The following PTGDR variants were observed in gnomAD, a reference collection of about 807,000 sequenced individuals.
PTGDR encodes the protein prostaglandin D2 receptor.
Under a neutral mutation model 17.4 loss-of-function variants are expected in PTGDR, and 19 were observed. The ratio of observed to expected loss-of-function variants is 1.09; its 90% confidence interval spans 0.76 to 1.60. The LOEUF is 1.60. Ranked by LOEUF, PTGDR falls within the 40% of genes most tolerant of loss-of-function variation. The pLI, the probability that PTGDR is intolerant of heterozygous loss-of-function variation, is 0.00. For missense variants in PTGDR, 526 were observed against 481.9 expected (o/e 1.09, Z -0.86); for synonymous variants, 267 against 224.2 (o/e 1.19, Z -1.71).
rs1217159327 is a variant in PTGDR at position 52,267,982 on chromosome 14, G to T, written c.168G>T (p.Pro56=). Residue 56 remains proline (P), a synonymous_variant, in exon 1 of 2, where the codon CCG becomes CCT. Transcript: ENST00000306051. ...GGTGCTCGCGGCGTCCACTGCGCCC[G>T]CTGCCCTCGGTCTTCTACATGCTGG... ...LGWCSRRPLR[P]LPSVFYMLVC... The T allele has an allele frequency of 1.2e-6, 2 of 1,609,278 alleles. No individual in the cohort carries two copies. The highest frequency in any genetic ancestry group is 1.7e-5 in the Admixed American group (1 of 60,006).
downstream of PTGDR, among the ~76,000 whole-genome samples, chr14:52,278,745 T>C (rs935630011): frequency 7.9e-5 from 12 of 152,176 alleles, no homozygotes; most frequent in East Asian, 1.9e-3. Flanking sequence ...GTAAAGATAC[T>C]ACCCTCGGCA....
rs201583372 is a variant in PTGDR, at chr14:52,275,496, G to C, written c.*532G>C. 2.0e-5 allele frequency: 3 copies of C among 153,734 alleles called. No homozygotes were observed. Among genetic ancestry groups the C allele is most frequent in the Non-Finnish European group, 4.3e-5 (3 of 69,156 alleles). The allele number at this position is 153,734 out of a possible 1,614,324, so 9.5% of individuals were successfully genotyped here. On this transcript the variant is annotated 3_prime_UTR_variant, in exon 2 of 2. Coordinates refer to ENST00000306051, the MANE Select transcript of PTGDR (RefSeq NM_000953.3). ...AGCCTGAATTATGATGTTCCTCAGA[G>C]AAGTGAGGTGGGAAATATGACCAGG... is the stretch of plus-strand genomic sequence containing the variant.
downstream of PTGDR, among the ~76,000 whole-genome samples, chr14:52,279,293 T>C (rs776791320): frequency 5.9e-5 from 9 of 152,214 alleles, no homozygotes; most frequent in Non-Finnish European, 1.0e-4. Context: ...ATAGTACACG[T>C]AGGAGAAAAT....
intron 1 of PTGDR, among the ~76,000 whole-genome samples, chr14:52,272,735 C>T (rs1487293460): frequency 6.6e-6 from 1 of 152,168 alleles, no homozygotes; most frequent in Admixed American, 6.5e-5. Context: ...TGCCTGTTGT[C>T]CCTTACGGGC....
intron 1 of PTGDR, 63 bp from the exon 2 acceptor site, chr14:52,274,668 A>G (rs1594621210): frequency 1.5e-6 from 2 of 1,347,808 alleles, no homozygotes; most frequent in Non-Finnish European, 2.1e-6. Context: ...TAGGTGAAGT[A>G]AGTGAATCCA....
downstream of PTGDR, among the ~76,000 whole-genome samples, chr14:52,278,858 C>G (rs1002848251): frequency 6.6e-6 from 1 of 152,006 alleles, no homozygotes; most frequent in African/African-American, 2.4e-5. Context: ...AAAATATTGT[C>G]AAAGATTATA....
At chr14:52,268,782 A>T (rs992245808) in intron 1 of PTGDR, 122 bp downstream of exon 1, 1 of 1,113,040 alleles carries the variant, frequency 9.0e-7, no homozygotes. Flanking sequence ...TGGGCCAGGA[A>T]GGTTTGCTGC....
rs1270112858 is a variant in PTGDR, at chr14:52,274,855, T to C, written c.971T>C (p.Ile324Thr). The change falls in exon 2 of 2, where the codon ATC becomes ACC. Residue 324 changes from isoleucine to threonine, a missense_variant. Ile to Thr is a moderately conservative substitution (Grantham distance 89). Coordinates refer to ENST00000306051, the MANE Select transcript of PTGDR (RefSeq NM_000953.3). Reference protein sequence around the residue: ...VISIVDPWIFIIFRSPVFRIF... With the variant: ...VISIVDPWIFTIFRSPVFRIF... ...TCAATTGTGGACCCTTGGATTTTTA[T>C]CATTTTCAGATCTCCAGTATTTCGG... is the stretch of plus-strand genomic sequence containing the variant. 1.2e-6 allele frequency: 2 copies of C among 1,609,848 alleles called. No homozygotes were observed. Among genetic ancestry groups the C allele is most frequent in the East Asian group, 4.5e-5 (2 of 44,860 alleles).
rs202244435 is a variant in PTGDR, at chr14:52,268,671, G to A, written c.846+11G>A. 59 of 1,553,480 alleles carry A rather than the reference G, an allele frequency of 3.8e-5. No homozygotes were observed. Among genetic ancestry groups the A allele is most frequent in the Middle Eastern group, 3.5e-4 (2 of 5,706 alleles). On this transcript the variant is annotated intron_variant, in intron 1 of 1. Transcript: ENST00000306051. The stretch of plus-strand genomic sequence containing the variant: ...TCTCTGCCCGTAATTGTGAGTCCCC[G>A]GGCCCCGAGGCAGCAGGGCACTGAG...
Position 52,268,085 on chromosome 14 carries a change from C to A in PTGDR, c.271C>A (p.Arg91=). The part of the protein sequence containing the change: ...PVVLAAYAQN[R]SLRVLAPALD... ...GGTGCTGGCTGCCTACGCTCAGAACCGGAGTCTGCGGGTGCTTGCGCCCGC... is the reference window on the plus strand; with the variant it reads ...GGTGCTGGCTGCCTACGCTCAGAACAGGAGTCTGCGGGTGCTTGCGCCCGC... Residue 91 remains arginine, a synonymous_variant, in exon 1 of 2, where the codon CGG becomes AGG. Coordinates refer to ENST00000306051, the MANE Select transcript of PTGDR (RefSeq NM_000953.3). The A allele has an allele frequency of 3.1e-6, 5 of 1,613,774 alleles. No individual in the cohort carries two copies. The highest frequency in any genetic ancestry group is 4.2e-6 in the Non-Finnish European group (5 of 1,180,052).
At chr14:52,271,911 G>T (rs373659263) in intron 1 of PTGDR, among the ~76,000 whole-genome samples, 1 of 152,182 alleles carries the variant, frequency 6.6e-6, no homozygotes, top group African/African-American at 2.4e-5. Context: ...TCTGAAGGGG[G>T]AGACATGGGT....
At position 52,275,161 on chromosome 14, in the gene PTGDR, T is replaced by A; in HGVS notation, c.*197T>A. The stretch of plus-strand genomic sequence containing the variant: ...ATTCTATAGTCATGAACCCCTTCAG[T>A]GCATTTTCATTTTTTTATTAACAGC... On this transcript the variant is annotated 3_prime_UTR_variant, in exon 2 of 2. Coordinates refer to ENST00000306051, the MANE Select transcript of PTGDR (RefSeq NM_000953.3). 1.9e-6 allele frequency: 1 copy of A among 521,638 alleles called. No individual in the cohort carries two copies. The highest frequency in any genetic ancestry group is 2.9e-5 in the South Asian group (1 of 34,072). 32.3% of individuals were successfully genotyped at this position (521,638 alleles called of 1,614,324 possible).
rs1224682779 is a variant in PTGDR at position 52,267,829 on chromosome 14, C to A, written c.15C>A (p.Phe5Leu). 7 of 1,565,960 alleles carry A rather than the reference C, an allele frequency of 4.5e-6. No individual in the cohort carries two copies. The highest frequency in any genetic ancestry group is 6.1e-6 in the Non-Finnish European group (7 of 1,155,056). Residue 5 changes from phenylalanine to leucine, a missense_variant, in exon 1 of 2, where the codon TTC (phenylalanine) becomes TTA (leucine). By Grantham distance (22) the Phe-to-Leu change is conservative (BLOSUM62 0). Transcript: ENST00000306051. MKSPFYRCQNTTSVE... is the reference protein window; with the variant it reads MKSPLYRCQNTTSVE... ...TCCCGCACGCCATGAAGTCGCCGTT[C>A]TACCGCTGCCAGAACACCACCTCTG...
chr14:52,278,523 G>A (rs1370815497), downstream of PTGDR, among the ~76,000 whole-genome samples: 2 of 152,056 alleles, frequency 1.3e-5, no homozygotes, highest in Admixed American at 1.3e-4. Flanking sequence ...TGTAAATGAC[G>A]AGTTAATGGG....
chr14:52,268,376 G>A lies in PTGDR; in HGVS notation c.562G>A (p.Val188Ile). Residue 188 changes from valine to isoleucine, a missense_variant, in exon 1 of 2, where the codon GTC (valine) becomes ATC (isoleucine). By Grantham distance (29) the Val-to-Ile change is conservative. Transcript: ENST00000306051. ...CPGTWCFIQM[V>I]HEEGSLSVLG... is the part of the protein sequence containing the mutation. ...CGGCACCTGGTGCTTTATCCAGATGGTCCACGAGGAGGGCTCGCTGTCGGT... is the reference window on the plus strand; with the variant it reads ...CGGCACCTGGTGCTTTATCCAGATGATCCACGAGGAGGGCTCGCTGTCGGT... The A allele has an allele frequency of 6.2e-7, 1 of 1,612,716 alleles. No individual in the cohort carries two copies. Among genetic ancestry groups the A allele is most frequent in the Non-Finnish European group, 8.5e-7 (1 of 1,180,038 alleles).
At chr14:52,269,616 G>C (rs902439011) in intron 1 of PTGDR, 79 of 1,197,626 alleles carry the variant, frequency 6.6e-5, no homozygotes, top group Non-Finnish European at 9.1e-5. Context: ...TGAGACTTCT[G>C]TGAATAGGAA....
downstream of PTGDR, among the ~76,000 whole-genome samples, chr14:52,278,500 G>C (rs1013046190): frequency 7.9e-5 from 12 of 152,208 alleles, no homozygotes; most frequent in African/African-American, 2.4e-4. Flanking sequence ...ATAGCATTAG[G>C]AGATATACCT....
chr14:52,270,742 T>C (rs982015294), intron 1 of PTGDR, among the ~76,000 whole-genome samples: 5 of 152,214 alleles, frequency 3.3e-5, no homozygotes, highest in Admixed American at 6.5e-5. Context: ...CTCACTTATC[T>C]ATGCTGTGAC....
chr14:52,274,211 A>C (rs892363359), intron 1 of PTGDR, among the ~76,000 whole-genome samples: 1 of 152,174 alleles, frequency 6.6e-6, no homozygotes, highest in African/African-American at 2.4e-5. Flanking sequence ...CAATCTCTTC[A>C]CATTGATTAA....
Sources: allele counts gnomAD v4.1 joint callset (sites outside exome capture counted in the v4.1 genomes callset), GRCh38; gene constraint gnomAD v4.1.1; transcripts MANE v1.5; gene names NCBI Gene and HGNC (gene_info 2026-07-23, HGNC 2026-07-21).